ZMYM2: variants seen among roughly 807,000 people sequenced by gnomAD.
ZMYM2 encodes the protein zinc finger MYM-type protein 2.
A neutral mutation model predicts 162.8 loss-of-function variants in ZMYM2; 56 were observed. The observed-to-expected ratio is 0.34, with a 90% CI of 0.28 to 0.43. The LOEUF (loss-of-function observed/expected upper bound fraction) is 0.43. Ranked by LOEUF, ZMYM2 falls within the 20% of genes least tolerant of loss-of-function variation. The pLI is 1.00. For missense variants in ZMYM2, 1,275 were observed against 1,621.8 expected (o/e 0.79, Z 3.67); for synonymous variants, 510 against 541.6 (o/e 0.94, Z 0.81).
intron 7 of ZMYM2, chr13:20,019,829 G>C: frequency 1.9e-6 from 1 of 522,036 alleles, no homozygotes; most frequent in Non-Finnish European, 3.5e-6. Context: ...ATGCTCATTT[G>C]TCTTTAGTTA....
In ZMYM2 at chr13:19,993,053, T is replaced by C. The variant is rs777119006; in HGVS notation, c.-10-10T>C. On this transcript the variant is annotated splice_polypyrimidine_tract_variant and intron_variant, in intron 2 of 24. Coordinates refer to ENST00000610343, the MANE Select transcript of ZMYM2 (RefSeq NM_197968.4). ...TGACATTTTAATTCTTTTTTCTATC[T>C]TCCTAACAGGTTCTTTGGCATGGAC... The C allele has an allele frequency of 3.7e-5, 58 of 1,563,664 alleles. No individual in the cohort carries two copies. The highest frequency in any genetic ancestry group is 5.0e-5 in the Non-Finnish European group (58 of 1,158,820).
intron 2 of ZMYM2, among the ~76,000 whole-genome samples, chr13:19,962,912 C>T (rs1021838783): frequency 4.7e-5 from 7 of 150,048 alleles, no homozygotes; most frequent in African/African-American, 1.7e-4. Flanking sequence ...GCCTCCGCCT[C>T]CAGGGTTCAA....
At chr13:20,019,091 AAACAAC>A (rs1361683570) in intron 6 of ZMYM2, among the ~76,000 whole-genome samples, 20 of 12,194 alleles carry the variant, frequency 1.6e-3, no homozygotes, top group African/African-American at 2.0e-3. Flanking sequence ...AAAAAAAAAA[AAACAAC>A]AACAACAACA....
the ZMYM2 span, among the ~76,000 whole-genome samples, chr13:19,892,366 G>T: frequency 2.6e-5 from 4 of 151,932 alleles, no homozygotes; most frequent in African/African-American, 9.7e-5. Flanking sequence ...CCGCCTCCTG[G>T]GTTCACGCCA....
chr13:19,968,725 A>G lies in ZMYM2; in HGVS notation c.-11+8699A>G, dbSNP rs75016486. Among the ~76,000 whole-genome samples, 764 of 152,328 alleles carry G rather than the reference A, an allele frequency of 5.0e-3. 1 individual carries two copies. Among genetic ancestry groups the G allele is most frequent in the Non-Finnish European group, 9.0e-3 (610 of 68,032 alleles). ...ATTGTAGCCAGATTAATTTTTCCTA[A>G]AGCTCAGTCTGATGACATTGCTCAT... On this transcript the variant is annotated intron_variant, in intron 2 of 24. Transcript: ENST00000610343.
chr13:19,914,926 A>G, the ZMYM2 span, among the ~76,000 whole-genome samples: 2 of 152,158 alleles, frequency 1.3e-5, no homozygotes, highest in Admixed American at 1.3e-4. Flanking sequence ...ACTCTGAATC[A>G]GTGTCCAAAT....
Position 19,993,185 on chromosome 13 carries a change from C to A in ZMYM2, c.113C>A (p.Pro38Gln), listed in dbSNP as rs1017197060. 6.2e-7 allele frequency: 1 copy of A among 1,614,124 alleles called. No individual in the cohort carries two copies. The highest frequency in any genetic ancestry group is 1.3e-5 in the African/African-American group (1 of 75,042). ...LTNVGNSFSG[P>Q]ANPLVSRSNK... ...AATGTAGGAAACTCATTTAGTGGTC[C>A]AGCTAATCCTTTAGTGTCTAGATCT... Residue 38 changes from proline (P) to glutamine (Q), a missense_variant, in exon 3 of 25, where the codon CCA becomes CAA. By Grantham distance (76) the Pro-to-Gln change is moderately conservative. Around this residue, in one of 10 missense-constraint regions of ZMYM2, gnomAD observed 295 missense variants for 286.7 expected, o/e 1.03. Transcript: ENST00000610343.
At chr13:20,039,675 A>G (rs1249868182) in intron 12 of ZMYM2, among the ~76,000 whole-genome samples, 9 of 152,032 alleles carry the variant, frequency 5.9e-5, no homozygotes, top group Admixed American at 5.9e-4. Context: ...ATGGGATTTC[A>G]CCATGTTAGC....
chr13:20,023,596 CT>C (rs1387597155), intron 7 of ZMYM2, among the ~76,000 whole-genome samples: 1 of 152,128 alleles, frequency 6.6e-6, no homozygotes, highest in Non-Finnish European at 1.5e-5. Flanking sequence ...TCTTGTTTCA[CT>C]TGGTTCTATC....
intron 2 of ZMYM2, among the ~76,000 whole-genome samples, chr13:19,980,151 G>A (rs995773710): frequency 1.4e-4 from 21 of 151,490 alleles, no homozygotes; most frequent in African/African-American, 3.9e-4. Context: ...TTGTATTAAC[G>A]TTTATGTATG....
At chr13:19,991,604 ATTTCT>A (rs745461899) in intron 2 of ZMYM2, among the ~76,000 whole-genome samples, 6 of 145,144 alleles carry the variant, frequency 4.1e-5, no homozygotes, top group Non-Finnish European at 9.0e-5. Flanking sequence ...GTAAGCCAGA[ATTTCT>A]TTTCTTTTCT....
At chr13:20,051,822 A>G (rs1416772806) in intron 13 of ZMYM2, among the ~76,000 whole-genome samples, 1 of 152,176 alleles carries the variant, frequency 6.6e-6, no homozygotes, top group Admixed American at 6.5e-5. Context: ...GAGAAAAGGC[A>G]TAGTTGAGAG....
At chr13:20,057,981 A>G (rs1407797940) in intron 14 of ZMYM2, among the ~76,000 whole-genome samples, 1 of 152,212 alleles carries the variant, frequency 6.6e-6, no homozygotes, top group African/African-American at 2.4e-5. Context: ...TCTTGTTTGC[A>G]ATGCAAATAA....
At chr13:19,892,919 T>G in the ZMYM2 span, among the ~76,000 whole-genome samples, 2 of 151,348 alleles carry the variant, frequency 1.3e-5, no homozygotes, top group Non-Finnish European at 2.9e-5. Flanking sequence ...TTCACCATGT[T>G]GGCCAGGCTG....
intron 6 of ZMYM2, among the ~76,000 whole-genome samples, chr13:20,009,222 A>C (rs190339461): frequency 1.3e-5 from 2 of 152,306 alleles, no homozygotes; most frequent in African/African-American, 4.8e-5. Context: ...AGACAAAATT[A>C]AGTGGACAAA....
At chr13:19,977,463 T>C (rs1369869494) in intron 2 of ZMYM2, among the ~76,000 whole-genome samples, 1 of 152,134 alleles carries the variant, frequency 6.6e-6, no homozygotes, top group East Asian at 1.9e-4. Context: ...TTTTGCTGTT[T>C]TCTGCATGTC....
At chr13:19,933,372 T>C in the ZMYM2 span, among the ~76,000 whole-genome samples, 2 of 152,240 alleles carry the variant, frequency 1.3e-5, no homozygotes, top group Non-Finnish European at 2.9e-5. Context: ...TTCAAGTCTA[T>C]ATTATTAGAT....
chr13:19,888,966 CT>C, the ZMYM2 span, among the ~76,000 whole-genome samples: 1 of 151,952 alleles, frequency 6.6e-6, no homozygotes. Flanking sequence ...TAATATTGTC[CT>C]TCTAATTTTA....
Position 20,059,441 on chromosome 13 carries a change from T to G in ZMYM2, c.2624-6T>G. On this transcript the variant is annotated splice_region_variant and splice_polypyrimidine_tract_variant and intron_variant, in intron 15 of 24. Coordinates refer to ENST00000610343, the MANE Select transcript of ZMYM2 (RefSeq NM_197968.4). ...ATTGCTCCTTAAATATGTTTTGTGT[T>G]TTTAGATGATACTTGGAGGACAGAA... The G allele has an allele frequency of 6.2e-7, 1 of 1,613,084 alleles. No homozygotes were observed. Among genetic ancestry groups the G allele is most frequent in the Non-Finnish European group, 8.5e-7 (1 of 1,179,258 alleles).
Sources: allele counts gnomAD v4.1 joint callset (sites outside exome capture counted in the v4.1 genomes callset), GRCh38; gene constraint gnomAD v4.1.1; regional missense constraint gnomAD v4.1.1; transcripts MANE v1.5; gene names NCBI Gene and HGNC (gene_info 2026-07-23, HGNC 2026-07-21).